The following OPCML variants were observed in gnomAD, a reference collection of about 807,000 sequenced individuals.
OPCML encodes the protein opioid-binding protein/cell adhesion molecule.
In OPCML, 13 loss-of-function variants were observed where a neutral mutation model predicts 37.8. The ratio of observed to expected loss-of-function variants is 0.34; its 90% CI spans 0.22 to 0.55. The LOEUF is 0.55. Ranked by LOEUF, OPCML falls within the 20% of genes least tolerant of loss-of-function variation. OPCML has a pLI of 0.91. For missense variants in OPCML, 341 were observed against 435.6 expected (o/e 0.78, Z 1.93); for synonymous variants, 176 against 168.8 (o/e 1.04, Z -0.33).
chr11:133,277,566 CA>C lies in OPCML; in HGVS notation c.61+254697del, dbSNP rs375578533. 4.5e-3 allele frequency among the ~76,000 whole-genome samples: 688 copies of C among 152,214 alleles called. 2 individuals carry two copies. The highest frequency in any genetic ancestry group is 0.015 in the African/African-American group (621 of 41,552). ...CCTGGACAATGGCCTCTTCCACTTC[CA>C]GATCATTCACCTTTAAGTCACCTTT... On this transcript the variant is annotated intron_variant, in intron 1 of 7. Coordinates refer to ENST00000524381, the MANE Select transcript of OPCML (RefSeq NM_001012393.5).
At chr11:133,165,421 C>G (rs1950196459) in intron 1 of OPCML, among the ~76,000 whole-genome samples, 1 of 152,142 alleles carries the variant, frequency 6.6e-6, no homozygotes, top group African/African-American at 2.4e-5. Flanking sequence ...CCTCCCTGGC[C>G]AGGGACCCTT....
chr11:132,907,728 C>T (rs1384269793), intron 2 of OPCML, among the ~76,000 whole-genome samples: 1 of 152,166 alleles, frequency 6.6e-6, no homozygotes, highest in Non-Finnish European at 1.5e-5. Flanking sequence ...ACCCTGACTG[C>T]TCTCTAAGTC....
chr11:132,803,288 C>T (rs1411604398), intron 2 of OPCML, among the ~76,000 whole-genome samples: 1 of 152,206 alleles, frequency 6.6e-6, no homozygotes, highest in African/African-American at 2.4e-5. Context: ...TGTGTTTTAG[C>T]ACTTGTCACA....
chr11:132,810,141 A>G (rs947327138), intron 2 of OPCML, among the ~76,000 whole-genome samples: 10 of 151,750 alleles, frequency 6.6e-5, no homozygotes, highest in Non-Finnish European at 8.8e-5. Context: ...GAGCCACCAC[A>G]CCCAGCCTCT....
intron 1 of OPCML, among the ~76,000 whole-genome samples, chr11:132,952,751 G>A (rs1945888565): frequency 6.6e-6 from 1 of 152,142 alleles, no homozygotes; most frequent in Non-Finnish European, 1.5e-5. Context: ...CGGCGTGCAT[G>A]AGAGCTTCCT....
At chr11:132,647,927 G>A (rs966969256) in intron 3 of OPCML, among the ~76,000 whole-genome samples, 3 of 152,162 alleles carry the variant, frequency 2.0e-5, no homozygotes, top group African/African-American at 4.8e-5. Flanking sequence ...TTTAGTGAAC[G>A]AAGAGTAAAA....
chr11:132,994,227 C>T (rs577075808), intron 1 of OPCML, among the ~76,000 whole-genome samples: 1 of 152,156 alleles, frequency 6.6e-6, no homozygotes, highest in African/African-American at 2.4e-5. Flanking sequence ...GCGCTCCTGC[C>T]AGGAGCCGGC....
At chr11:132,863,998 T>C (rs1401073106) in intron 2 of OPCML, among the ~76,000 whole-genome samples, 1 of 152,152 alleles carries the variant, frequency 6.6e-6, no homozygotes, top group Non-Finnish European at 1.5e-5. Context: ...AGTGCAATGG[T>C]GAGATCTCAG....
intron 1 of OPCML, among the ~76,000 whole-genome samples, chr11:133,051,660 A>G (rs1282775515): frequency 1.3e-5 from 2 of 152,188 alleles, no homozygotes; most frequent in African/African-American, 4.8e-5. Flanking sequence ...ATAGGACAAG[A>G]CTGGCATTCT....
chr11:132,446,727 T>A (rs975079275), intron 4 of OPCML, among the ~76,000 whole-genome samples: 1 of 152,142 alleles, frequency 6.6e-6, no homozygotes, highest in Admixed American at 6.5e-5. Flanking sequence ...TGAAATGAGT[T>A]CTGAGAAGTA....
At chr11:132,927,591 T>C (rs1457246034) in intron 2 of OPCML, among the ~76,000 whole-genome samples, 2 of 152,086 alleles carry the variant, frequency 1.3e-5, no homozygotes, top group Non-Finnish European at 2.9e-5. Flanking sequence ...GTCCTTCAAG[T>C]TGAAACAAAA....
intron 1 of OPCML, among the ~76,000 whole-genome samples, chr11:133,478,220 C>G (rs1373392768): frequency 6.6e-6 from 1 of 152,160 alleles, no homozygotes; most frequent in African/African-American, 2.4e-5. Flanking sequence ...ATGAAAGGAT[C>G]AGCCTCTGTT....
chr11:133,022,806 C>G (rs997813874), intron 1 of OPCML, among the ~76,000 whole-genome samples: 7 of 151,790 alleles, frequency 4.6e-5, no homozygotes, highest in African/African-American at 1.5e-4. Flanking sequence ...CTAAACTAAT[C>G]CTTCCCTTCA....
chr11:132,577,131 G>A lies in OPCML; in HGVS notation c.380-47945C>T, dbSNP rs546832376. Among the ~76,000 whole-genome samples the A allele has an allele frequency of 8.2e-4, 125 of 152,236 alleles. 1 individual carries two copies. The South Asian group carries it at 0.025, about 31-fold the overall frequency. On this transcript the variant is annotated intron_variant, in intron 3 of 7. Coordinates refer to ENST00000524381, the MANE Select transcript of OPCML (RefSeq NM_001012393.5). Reference sequence around the variant, plus strand: ...AGTGAGTCTGGTTTTGCAGTTGTCTGGATTGTGAAATATTTTCACTTAACT... The same window carrying A: ...AGTGAGTCTGGTTTTGCAGTTGTCTAGATTGTGAAATATTTTCACTTAACT...
At chr11:132,550,381 A>C (rs1198954836) in intron 3 of OPCML, among the ~76,000 whole-genome samples, 1 of 152,062 alleles carries the variant, frequency 6.6e-6, no homozygotes, top group Non-Finnish European at 1.5e-5. Flanking sequence ...ATAGTGAGTG[A>C]GTTCTCACGA....
At chr11:133,515,057 G>A (rs1208658413) in intron 1 of OPCML, among the ~76,000 whole-genome samples, 2 of 152,160 alleles carry the variant, frequency 1.3e-5, no homozygotes, top group African/African-American at 4.8e-5. Flanking sequence ...ATTCATTAAA[G>A]AGCATCTGGA....
At chr11:132,915,840 GA>G (rs899115742) in intron 2 of OPCML, among the ~76,000 whole-genome samples, 32 of 152,108 alleles carry the variant, frequency 2.1e-4, no homozygotes, top group Middle Eastern at 6.8e-3. Context: ...GGTGATATGT[GA>G]CTGTTCTTTA....
chr11:133,029,687 A>G (rs969037086), intron 1 of OPCML, among the ~76,000 whole-genome samples: 1 of 152,210 alleles, frequency 6.6e-6, no homozygotes, highest in African/African-American at 2.4e-5. Context: ...CATGGACAGA[A>G]AAACGGGAAC....
At chr11:133,519,860 C>G (rs1334095016) in intron 1 of OPCML, among the ~76,000 whole-genome samples, 1 of 152,170 alleles carries the variant, frequency 6.6e-6, no homozygotes, top group Non-Finnish European at 1.5e-5. Flanking sequence ...AAAGTAGCAT[C>G]CACTGTTTCT....
Sources: gnomAD v4.1 joint callset for allele counts (sites outside exome capture counted in the v4.1 genomes callset) on GRCh38, gnomAD v4.1.1 for gene constraint, MANE v1.5 for transcripts, NCBI Gene and HGNC (gene_info 2026-07-23, HGNC 2026-07-21) for gene names.